ABCC1: variants seen among roughly 807,000 people sequenced by gnomAD.
ABCC1 encodes the protein ATP binding cassette subfamily C member 1 (ABCC1 blood group), also known as multidrug resistance-associated protein 1.
Under a neutral mutation model 172.9 loss-of-function variants are expected in ABCC1, and 83 were observed. The ratio of observed to expected loss-of-function variants is 0.48; its 90% CI spans 0.40 to 0.58. The LOEUF (loss-of-function observed/expected upper bound fraction) is 0.58, where lower values mean the gene tolerates loss of function less well. ABCC1 is among the 20% of genes least tolerant of loss of function. The pLI, the probability that ABCC1 is intolerant of heterozygous loss-of-function variation, is 0.00. For missense variants in ABCC1, 1,817 were observed against 2,002.7 expected, an observed-to-expected ratio of 0.91 and a Z score of 1.77; for synonymous variants, 937 against 825.2, an observed-to-expected ratio of 1.14 and a Z score of -2.32.
intron 1 of ABCC1, among the ~76,000 whole-genome samples, chr16:15,974,540 C>T (rs1251947923): frequency 1.3e-5 from 2 of 152,100 alleles, no homozygotes; most frequent in South Asian, 2.1e-4. Context: ...AAAAGCCTCT[C>T]ACCATCCCTT....
chr16:16,123,237 A>G (rs1310750000), intron 24 of ABCC1, among the ~76,000 whole-genome samples: 5 of 152,104 alleles, frequency 3.3e-5, no homozygotes, highest in African/African-American at 1.2e-4. Flanking sequence ...TAAGGGCTGC[A>G]ATGGAGAAAA....
At chr16:15,955,844 GTGTT>G (rs2045985211) in intron 1 of ABCC1, among the ~76,000 whole-genome samples, 1 of 152,192 alleles carries the variant, frequency 6.6e-6, no homozygotes, top group Non-Finnish European at 1.5e-5. Context: ...ATTTTGGCCT[GTGTT>G]TGTTTACGGC....
intron 27 of ABCC1, among the ~76,000 whole-genome samples, chr16:16,132,536 T>C (rs1301555938): frequency 9.2e-5 from 13 of 141,034 alleles, no homozygotes; most frequent in Admixed American, 2.9e-4. Flanking sequence ...TTTTTTTTTT[T>C]TTTGAGATGG....
intron 27 of ABCC1, among the ~76,000 whole-genome samples, chr16:16,133,319 A>G (rs577889444): frequency 6.6e-6 from 1 of 152,254 alleles, no homozygotes; most frequent in Admixed American, 6.5e-5. Context: ...CCCAGCAGAT[A>G]ATTTCTCTCT....
intron 19 of ABCC1, among the ~76,000 whole-genome samples, chr16:16,092,901 A>ATCGCT (rs2051311523): frequency 1.3e-5 from 2 of 152,176 alleles, no homozygotes. Context: ...AGGTGGGGGA[A>ATCGCT]TCGCTTGAGC....
At chr16:16,010,694 G>A (rs566974688) in intron 3 of ABCC1, among the ~76,000 whole-genome samples, 1 of 152,292 alleles carries the variant, frequency 6.6e-6, no homozygotes, top group Admixed American at 6.5e-5. Flanking sequence ...TATTCTTGGT[G>A]TTTCACGTGT....
At chr16:15,969,442 G>A (rs960262928) in intron 1 of ABCC1, among the ~76,000 whole-genome samples, 37 of 149,284 alleles carry the variant, frequency 2.5e-4, no homozygotes, top group Admixed American at 6.1e-4. Flanking sequence ...GCGTGATCTC[G>A]GCTCACTGCA....
At chr16:16,110,515 G>A (rs1292954078) in intron 21 of ABCC1, among the ~76,000 whole-genome samples, 3 of 152,008 alleles carry the variant, frequency 2.0e-5, no homozygotes, top group East Asian at 2.0e-4. Flanking sequence ...TCAGCCTCCC[G>A]AGTAGCTGAG....
chr16:15,966,214 A>G (rs986253423), intron 1 of ABCC1, among the ~76,000 whole-genome samples: 1 of 151,894 alleles, frequency 6.6e-6, no homozygotes, highest in Non-Finnish European at 1.5e-5. Context: ...GGAGTTGGAG[A>G]CCAGCATGAC....
intron 27 of ABCC1, among the ~76,000 whole-genome samples, chr16:16,133,466 C>T (rs1836803991): frequency 6.6e-6 from 1 of 152,044 alleles, no homozygotes; most frequent in South Asian, 2.1e-4. Context: ...TCCAGTGGTG[C>T]TATTTCGGCT....
intron 21 of ABCC1, among the ~76,000 whole-genome samples, chr16:16,108,150 C>T (rs2052218737): frequency 6.6e-6 from 1 of 152,062 alleles, no homozygotes; most frequent in African/African-American, 2.4e-5. Flanking sequence ...GATGCCAGGC[C>T]CATTTAATCC....
At chr16:16,082,216 C>T (rs1369378705) in intron 16 of ABCC1, among the ~76,000 whole-genome samples, 1 of 152,164 alleles carries the variant, frequency 6.6e-6, no homozygotes, top group African/African-American at 2.4e-5. Context: ...ATGTGCTGTT[C>T]CCTCGGACTT....
chr16:16,069,152 T>TAA (rs1567368876), intron 13 of ABCC1, among the ~76,000 whole-genome samples: 1 of 141,740 alleles, frequency 7.1e-6, no homozygotes, highest in African/African-American at 2.7e-5. Context: ...TAAAAAAAAA[T>TAA]AAAATAAAAT....
intron 1 of ABCC1, among the ~76,000 whole-genome samples, chr16:15,971,633 G>A (rs1396173477): frequency 3.9e-5 from 6 of 152,148 alleles, no homozygotes; most frequent in African/African-American, 7.2e-5. Flanking sequence ...GAAAAGGGGC[G>A]TTGAATGGGG....
intron 19 of ABCC1, among the ~76,000 whole-genome samples, chr16:16,100,367 G>T (rs1051828175): frequency 1.3e-5 from 2 of 152,148 alleles, no homozygotes; most frequent in African/African-American, 4.8e-5. Context: ...AGGAGAGCGG[G>T]GGGGCTCTCT....
chr16:16,013,565 T>G (rs929269435), intron 3 of ABCC1, among the ~76,000 whole-genome samples: 2 of 149,916 alleles, frequency 1.3e-5, no homozygotes, highest in African/African-American at 4.9e-5. Context: ...CTGGCTGATT[T>G]TTTTTTTTTT....
chr16:16,090,259 T>G, intron 18 of ABCC1, 146 bp from the exon 19 acceptor site: 1 of 729,788 alleles, frequency 1.4e-6, no homozygotes, highest in Non-Finnish European at 2.1e-6. Flanking sequence ...CTGGATGCTG[T>G]TATCGCGGGT....
At chr16:16,062,872 C>G (rs557073444) in intron 12 of ABCC1, among the ~76,000 whole-genome samples, 1 of 152,132 alleles carries the variant, frequency 6.6e-6, no homozygotes, top group Non-Finnish European at 1.5e-5. Flanking sequence ...GCATTTACCA[C>G]GTCCACCTAA....
intron 4 of ABCC1, among the ~76,000 whole-genome samples, chr16:16,015,571 C>T (rs2047964029): frequency 6.6e-6 from 1 of 152,228 alleles, no homozygotes; most frequent in South Asian, 2.1e-4. Flanking sequence ...TGAGTGATAG[C>T]AGCTGATGCT....
Sources: allele counts gnomAD v4.1 joint callset (sites outside exome capture counted in the v4.1 genomes callset), GRCh38; gene constraint gnomAD v4.1.1; transcripts MANE v1.5; gene names NCBI Gene and HGNC (gene_info 2026-07-23, HGNC 2026-07-21).